DTD1: variants seen among roughly 807,000 people sequenced by gnomAD.
The protein encoded by DTD1 is D-tyrosyl-tRNA deacylase 1 homolog.
DTD1 carries 13 observed loss-of-function variants against 25.6 expected under a neutral mutation model. The ratio of observed to expected loss-of-function variants is 0.51; its 90% CI spans 0.33 to 0.81. The LOEUF (loss-of-function observed/expected upper bound fraction) is 0.81. Ranked by LOEUF, DTD1 falls within the 30% of genes least tolerant of loss-of-function variation. The pLI is 0.02. For synonymous variants in DTD1, 110 were observed against 103.6 expected (o/e 1.06, Z -0.37); for missense variants, 193 against 266.4 (o/e 0.72, Z 1.92).
chr20:18,726,760 T>C (rs1017456093), intron 4 of DTD1, among the ~76,000 whole-genome samples: 1 of 152,220 alleles, frequency 6.6e-6, no homozygotes, highest in African/African-American at 2.4e-5. Flanking sequence ...GACAGACACC[T>C]ACCACACTGC....
chr20:18,611,800 C>G (rs2060687547), intron 3 of DTD1, among the ~76,000 whole-genome samples: 2 of 152,072 alleles, frequency 1.3e-5, no homozygotes. Context: ...CAGTGGAACC[C>G]TGGAGGGGAA....
intron 5 of DTD1, among the ~76,000 whole-genome samples, chr20:18,746,008 T>G (rs1220122646): frequency 4.7e-5 from 7 of 150,498 alleles, no homozygotes; most frequent in Non-Finnish European, 1.0e-4. Context: ...GATTGAAAGA[T>G]GTAAAGGAAA....
At chr20:18,670,989 T>C (rs1010148889) in intron 4 of DTD1, among the ~76,000 whole-genome samples, 2 of 152,244 alleles carry the variant, frequency 1.3e-5, no homozygotes, top group African/African-American at 4.8e-5. Context: ...GGTGTGGTTG[T>C]GGATGACAAC....
At chr20:18,708,334 TTTATATATATA>T in intron 4 of DTD1, among the ~76,000 whole-genome samples, 2 of 54,136 alleles carry the variant, frequency 3.7e-5, no homozygotes, top group Non-Finnish European at 7.9e-5. Context: ...ATATATATAT[TTTATATATATA>T]TTATATATCT....
At chr20:18,758,443 A>C (rs963370997) in intron 5 of DTD1, among the ~76,000 whole-genome samples, 1 of 151,840 alleles carries the variant, frequency 6.6e-6, no homozygotes, top group African/African-American at 2.4e-5. Flanking sequence ...ACTGCTTTGA[A>C]TGTGTCCCAG....
At chr20:18,755,997 T>C (rs1473397151) in intron 5 of DTD1, among the ~76,000 whole-genome samples, 1 of 152,152 alleles carries the variant, frequency 6.6e-6, no homozygotes, top group African/African-American at 2.4e-5. Context: ...ATTGTGGTTT[T>C]GATTTGCATT....
chr20:18,723,245 T>C (rs1189574781), intron 4 of DTD1, among the ~76,000 whole-genome samples: 1 of 152,154 alleles, frequency 6.6e-6, no homozygotes, highest in Non-Finnish European at 1.5e-5. Context: ...AGACTGCCAG[T>C]GTCTAGAGGG....
intron 4 of DTD1, among the ~76,000 whole-genome samples, chr20:18,708,456 A>T: frequency 6.9e-6 from 1 of 144,074 alleles, no homozygotes; most frequent in African/African-American, 2.6e-5. Context: ...CCCTGGTTCA[A>T]GCGATTCTCG....
At chr20:18,597,193 G>C (rs913675370) in intron 3 of DTD1, among the ~76,000 whole-genome samples, 2 of 89,286 alleles carry the variant, frequency 2.2e-5, no homozygotes, top group East Asian at 5.4e-4. Context: ...GTGTGTGTGT[G>C]TGTGTGTATA....
chr20:18,617,955 A>G (rs1423032288), intron 3 of DTD1, among the ~76,000 whole-genome samples: 5 of 152,182 alleles, frequency 3.3e-5, no homozygotes, highest in South Asian at 2.1e-4. Context: ...TGGCAGGACC[A>G]TAGCCTGGCT....
chr20:18,602,193 A>C (rs1380039208), intron 3 of DTD1, among the ~76,000 whole-genome samples: 16 of 119,210 alleles, frequency 1.3e-4, no homozygotes, highest in African/African-American at 4.4e-4. Context: ...GATGAAATGA[A>C]TGAAATGAAG....
At chr20:18,638,581 G>A (rs1393920647) in intron 4 of DTD1, among the ~76,000 whole-genome samples, 2 of 152,180 alleles carry the variant, frequency 1.3e-5, no homozygotes, top group African/African-American at 4.8e-5. Flanking sequence ...TGGAAGAAAG[G>A]CCAGTGTGGC....
chr20:18,596,096 G>C lies in DTD1; in HGVS notation c.225G>C (p.Leu75=), dbSNP rs1342350880. 6.2e-7 allele frequency: 1 copy of C among 1,614,190 alleles called. No individual in the cohort carries two copies. Among genetic ancestry groups the C allele is most frequent in the Non-Finnish European group, 8.5e-7 (1 of 1,180,020 alleles). ...TGATGGACAAACAGTACGAGATTCT[G>C]TGTGTCAGCCAGTTTACCCTCCAGT... ...KSVMDKQYEI[L]CVSQFTLQCV... is the part of the protein sequence containing the mutation. The change falls in exon 3 of 6, where the codon CTG becomes CTC. Residue 75 remains leucine, a synonymous_variant. Coordinates refer to ENST00000377452, the MANE Select transcript of DTD1 (RefSeq NM_080820.6).
chr20:18,629,754 G>A (rs1001948686), intron 4 of DTD1, among the ~76,000 whole-genome samples: 4 of 151,916 alleles, frequency 2.6e-5, no homozygotes, highest in African/African-American at 9.7e-5. Context: ...GTGCAGGAAG[G>A]ATGGCTGCAG....
At chr20:18,689,201 C>G (rs2061031762) in intron 4 of DTD1, among the ~76,000 whole-genome samples, 1 of 152,150 alleles carries the variant, frequency 6.6e-6, no homozygotes, top group African/African-American at 2.4e-5. Flanking sequence ...GAATGGGAGT[C>G]TGAGGCCAGA....
chr20:18,654,335 C>T (rs2060884451), intron 4 of DTD1, among the ~76,000 whole-genome samples: 1 of 152,186 alleles, frequency 6.6e-6, no homozygotes, highest in Admixed American at 6.5e-5. Flanking sequence ...TTTGTTCCTT[C>T]CACTTCTGCC....
intron 4 of DTD1, among the ~76,000 whole-genome samples, chr20:18,665,092 G>A (rs1268860921): frequency 1.3e-5 from 2 of 152,190 alleles, no homozygotes; most frequent in African/African-American, 4.8e-5. Flanking sequence ...TGAATACCAC[G>A]GAAGACATAG....
rs147602249 is a variant in DTD1 at position 18,759,110 on chromosome 20, T to C, written c.*20-4250T>C. ...CTTGGTAGATCTTCCTCCATCCTTTTATTTTGAGCATATGTGTGTCTCTGC... is the reference window on the plus strand; with the variant it reads ...CTTGGTAGATCTTCCTCCATCCTTTCATTTTGAGCATATGTGTGTCTCTGC... On this transcript the variant is annotated intron_variant, in intron 5 of 5. Coordinates refer to ENST00000377452, the MANE Select transcript of DTD1 (RefSeq NM_080820.6). Among the ~76,000 whole-genome samples the C allele has an allele frequency of 4.1e-3, 625 of 152,338 alleles. 3 individuals are homozygous for C. The highest frequency in any genetic ancestry group is 0.014 in the African/African-American group (597 of 41,582).
intron 5 of DTD1, among the ~76,000 whole-genome samples, chr20:18,757,467 C>T (rs890198915): frequency 5.3e-5 from 8 of 152,040 alleles, no homozygotes; most frequent in East Asian, 1.9e-4. Flanking sequence ...ATTTATTGAG[C>T]GTTTTTAGCA....
Sources: allele counts gnomAD v4.1 joint callset (sites outside exome capture counted in the v4.1 genomes callset), GRCh38; gene constraint gnomAD v4.1.1; transcripts MANE v1.5; gene names NCBI Gene and HGNC (gene_info 2026-07-23, HGNC 2026-07-21).